Variants in RBFOX1 observed in about 807,000 individuals in gnomAD.
RBFOX1 encodes the protein RNA binding protein fox-1 homolog 1.
In RBFOX1, 8 loss-of-function variants were observed where a neutral mutation model predicts 57.7. The ratio of observed to expected loss-of-function variants is 0.14; its 90% CI spans 0.08 to 0.25. RBFOX1 has a LOEUF of 0.25. RBFOX1 is among the 10% of genes least tolerant of loss of function. The probability of loss-of-function intolerance (pLI) is 1.00; values close to 1 mark genes in which losing one functional copy is unlikely to be tolerated. For synonymous variants in RBFOX1, 326 were observed against 222.4 expected, an observed-to-expected ratio of 1.47 and a Z score of -4.15; for missense variants, 611 against 548.5, an observed-to-expected ratio of 1.11 and a Z score of -1.14.
At chr16:7,707,688 G>A (rs752354184) in intron 14 of RBFOX1, among the ~76,000 whole-genome samples, 2 of 152,064 alleles carry the variant, frequency 1.3e-5, no homozygotes, top group Admixed American at 1.3e-4. Flanking sequence ...CACTCCTCAG[G>A]AAAGCCCACA....
intron 1 of RBFOX1, among the ~76,000 whole-genome samples, chr16:6,223,162 C>A (rs1384357924): frequency 6.6e-6 from 1 of 150,492 alleles, no homozygotes; most frequent in Admixed American, 6.7e-5. Flanking sequence ...AATAAACATA[C>A]GTGTGCATGT....
chr16:6,434,102 C>A (rs2094171675), intron 2 of RBFOX1, among the ~76,000 whole-genome samples: 1 of 152,034 alleles, frequency 6.6e-6, no homozygotes, highest in Non-Finnish European at 1.5e-5. Flanking sequence ...CCCACTTTGG[C>A]CTCCGAAAAT....
At chr16:7,394,748 G>A (rs763456710) in intron 4 of RBFOX1, among the ~76,000 whole-genome samples, 1 of 152,118 alleles carries the variant, frequency 6.6e-6, no homozygotes, top group Non-Finnish European at 1.5e-5. Context: ...ATTCTCCTTT[G>A]TAATTCTCAT....
intron 3 of RBFOX1, among the ~76,000 whole-genome samples, chr16:6,772,099 A>G (rs2078391802): frequency 6.6e-6 from 1 of 152,164 alleles, no homozygotes; most frequent in Admixed American, 6.5e-5. Context: ...TTTCCTGAGG[A>G]ACAGTCTTCC....
intron 2 of RBFOX1, among the ~76,000 whole-genome samples, chr16:6,410,471 A>G (rs2795540): frequency 1.3e-5 from 2 of 151,308 alleles, no homozygotes; most frequent in Non-Finnish European, 2.9e-5. Flanking sequence ...GCCACAATGC[A>G]CGGCTAATTT....
At chr16:7,637,910 G>T (rs2062038495) in intron 11 of RBFOX1, among the ~76,000 whole-genome samples, 1 of 152,176 alleles carries the variant, frequency 6.6e-6, no homozygotes, top group South Asian at 2.1e-4. Flanking sequence ...AAAGATCCAT[G>T]ATTAACAGAA....
intron 1 of RBFOX1, among the ~76,000 whole-genome samples, chr16:6,307,625 T>C (rs1182687421): frequency 6.8e-6 from 1 of 148,072 alleles, no homozygotes; most frequent in African/African-American, 2.4e-5. Flanking sequence ...TTTAATTATA[T>C]ATTTTTATAA....
intron 3 of RBFOX1, among the ~76,000 whole-genome samples, chr16:6,897,835 G>C (rs563912757): frequency 6.6e-6 from 1 of 152,068 alleles, no homozygotes; most frequent in African/African-American, 2.4e-5. Flanking sequence ...GGATTACAGA[G>C]CCCTGCAGTT....
intron 2 of RBFOX1, among the ~76,000 whole-genome samples, chr16:5,577,680 G>C (rs1427600005): frequency 6.6e-6 from 1 of 152,124 alleles, no homozygotes; most frequent in Non-Finnish European, 1.5e-5. Context: ...GGCAGTGACT[G>C]TGCTGTACAT....
intron 1 of RBFOX1, among the ~76,000 whole-genome samples, chr16:6,290,995 A>T (rs1249310519): frequency 2.6e-5 from 4 of 152,144 alleles, no homozygotes; most frequent in Non-Finnish European, 5.9e-5. Flanking sequence ...TCTTGATGAT[A>T]TGCCAAACAA....
chr16:6,019,667 T>C lies in RBFOX1; in HGVS notation c.-452T>C. On this transcript the variant is annotated 5_prime_UTR_variant, in exon 1 of 16. Coordinates refer to ENST00000550418, the MANE Select transcript of RBFOX1 (RefSeq NM_018723.4). This position sits in a 1 kb window ranked among gnomAD's most constrained non-coding sequence, Gnocchi z 4.2. ...GCCAGCCGTGGGCCCCGCCCCGGCG[T>C]CCGGAGCAGGAGAACTCCGAGCTTC... 7.7e-7 allele frequency: 1 copy of C among 1,303,376 alleles called. No homozygotes were observed. Among genetic ancestry groups the C allele is most frequent in the Non-Finnish European group, 9.7e-7 (1 of 1,025,914 alleles). 80.7% of individuals were successfully genotyped at this position (1,303,376 alleles called of 1,614,324 possible).
intron 4 of RBFOX1, among the ~76,000 whole-genome samples, chr16:6,008,836 C>T (rs2094942737): frequency 6.6e-6 from 1 of 152,178 alleles, no homozygotes. Flanking sequence ...CTTTTATTGC[C>T]AAGTTGCTTA....
At chr16:7,254,633 T>G (rs1177198739) in intron 4 of RBFOX1, among the ~76,000 whole-genome samples, 1 of 152,176 alleles carries the variant, frequency 6.6e-6, no homozygotes, top group Non-Finnish European at 1.5e-5. Flanking sequence ...GGAAAAATTT[T>G]TCTTTTCAAT....
At chr16:7,192,086 A>C (rs918872797) in intron 4 of RBFOX1, among the ~76,000 whole-genome samples, 2 of 152,216 alleles carry the variant, frequency 1.3e-5, no homozygotes, top group African/African-American at 4.8e-5. Flanking sequence ...AGCTGTTTTC[A>C]AAACCAGAGA....
intron 5 of RBFOX1, among the ~76,000 whole-genome samples, chr16:7,557,348 G>T (rs1333472501): frequency 6.6e-6 from 1 of 152,044 alleles, no homozygotes; most frequent in African/African-American, 2.4e-5. Context: ...AGCCGGGTGT[G>T]GTGGCTTTCA....
chr16:5,738,987 C>CACAA (rs112863562), intron 3 of RBFOX1, among the ~76,000 whole-genome samples: 41,992 of 151,974 alleles, frequency 0.28, 6,260 homozygotes, highest in East Asian at 0.56. Flanking sequence ...ACTTACTCCA[C>CACAA]ACACCCCTTC....
At chr16:7,033,856 C>T (rs574502237) in intron 3 of RBFOX1, among the ~76,000 whole-genome samples, 1 of 152,142 alleles carries the variant, frequency 6.6e-6, no homozygotes, top group Non-Finnish European at 1.5e-5. Flanking sequence ...GTGGGCCCAG[C>T]TACTCAGGAG....
At chr16:6,056,399 C>T (rs540925915) in intron 1 of RBFOX1, among the ~76,000 whole-genome samples, 24 of 152,334 alleles carry the variant, frequency 1.6e-4, no homozygotes, top group Admixed American at 3.9e-4. Context: ...TTTCCTCGAT[C>T]TCTCATTCTG....
At chr16:6,310,270 C>T (rs1417876494) in intron 1 of RBFOX1, among the ~76,000 whole-genome samples, 1 of 152,174 alleles carries the variant, frequency 6.6e-6, no homozygotes, top group African/African-American at 2.4e-5. Flanking sequence ...AGAAGAGCCT[C>T]ACTGGTTCCT....
Sources: gnomAD v4.1 joint callset for allele counts (sites outside exome capture counted in the v4.1 genomes callset) on GRCh38, gnomAD v4.1.1 for gene constraint, Gnocchi (gnomAD v3.1) non-coding constraint, MANE v1.5 for transcripts, NCBI Gene and HGNC (gene_info 2026-07-23, HGNC 2026-07-21) for gene names.